The following STXBP5L variants were observed in gnomAD, a reference collection of about 807,000 sequenced individuals.
STXBP5L encodes syntaxin binding protein 5L.
In STXBP5L, 65 loss-of-function variants were observed where a neutral mutation model predicts 144.5. That is an observed-to-expected ratio of 0.45 (90% CI 0.37 to 0.55). The LOEUF (loss-of-function observed/expected upper bound fraction) is 0.55. STXBP5L is among the 20% of genes least tolerant of loss of function. The probability of loss-of-function intolerance (pLI) is 0.00; values close to 1 mark genes in which losing one functional copy is unlikely to be tolerated. For synonymous variants in STXBP5L, 505 were observed against 469.6 expected (o/e 1.08, Z -0.97); for missense variants, 1,298 against 1,405.5 (o/e 0.92, Z 1.22).
At chr3:121,131,451 C>T (rs570816218) in intron 7 of STXBP5L, among the ~76,000 whole-genome samples, 1 of 152,056 alleles carries the variant, frequency 6.6e-6, no homozygotes, top group Admixed American at 6.6e-5. Flanking sequence ...TAGATAATAC[C>T]AATGCTACAT....
intron 24 of STXBP5L, among the ~76,000 whole-genome samples, chr3:121,414,910 G>A (rs930290189): frequency 2.6e-5 from 4 of 152,150 alleles, no homozygotes; most frequent in Admixed American, 2.6e-4. Flanking sequence ...TAGCCATAAA[G>A]TGTAATCAAC....
chr3:121,001,762 A>C (rs1243645927), intron 3 of STXBP5L, among the ~76,000 whole-genome samples: 1 of 152,228 alleles, frequency 6.6e-6, no homozygotes, highest in South Asian at 2.1e-4. Flanking sequence ...CAGATTCTGC[A>C]TTCTCTGTCC....
At chr3:120,985,159 G>T (rs78588233) in intron 3 of STXBP5L, among the ~76,000 whole-genome samples, 2 of 151,826 alleles carry the variant, frequency 1.3e-5, no homozygotes, top group African/African-American at 4.8e-5. Context: ...TGTTGTTAGG[G>T]TACTGTTGGC....
intron 20 of STXBP5L, among the ~76,000 whole-genome samples, chr3:121,371,422 T>C (rs544764522): frequency 2.6e-4 from 39 of 152,324 alleles, no homozygotes; most frequent in African/African-American, 7.9e-4. Context: ...GGTCACAGCA[T>C]TCCAATGGGT....
chr3:121,220,189 C>T (rs1421734415), intron 10 of STXBP5L, among the ~76,000 whole-genome samples: 2 of 152,150 alleles, frequency 1.3e-5, no homozygotes, highest in East Asian at 3.9e-4. Flanking sequence ...TATAGTTTTG[C>T]CTTTTGGAGA....
chr3:121,034,176 A>G (rs1203620734), intron 3 of STXBP5L, among the ~76,000 whole-genome samples: 2 of 152,046 alleles, frequency 1.3e-5, no homozygotes, highest in African/African-American at 4.8e-5. Context: ...GTACAATTGC[A>G]GTTTTGTTGC....
At chr3:121,150,824 A>G (rs1253091834) in intron 7 of STXBP5L, among the ~76,000 whole-genome samples, 2 of 152,134 alleles carry the variant, frequency 1.3e-5, no homozygotes, top group African/African-American at 2.4e-5. Flanking sequence ...ATGGTGACTC[A>G]TGCCTGTAAT....
At chr3:121,102,112 A>G (rs1319272125) in intron 5 of STXBP5L, among the ~76,000 whole-genome samples, 3 of 152,150 alleles carry the variant, frequency 2.0e-5, no homozygotes, top group Non-Finnish European at 4.4e-5. Context: ...TGGAAGAACA[A>G]TATTGTTAAA....
intron 3 of STXBP5L, among the ~76,000 whole-genome samples, chr3:121,003,839 G>A (rs1944006615): frequency 6.6e-6 from 1 of 152,082 alleles, no homozygotes; most frequent in South Asian, 2.1e-4. Context: ...TTTTTGTCAG[G>A]TTTGTCAAAG....
intron 3 of STXBP5L, among the ~76,000 whole-genome samples, chr3:120,995,027 A>T (rs1346312068): frequency 6.6e-6 from 1 of 152,012 alleles, no homozygotes; most frequent in African/African-American, 2.4e-5. Context: ...CCAGGAGTTT[A>T]TCCATTTCCT....
At chr3:121,318,075 T>TTA (rs2043843175) in intron 19 of STXBP5L, among the ~76,000 whole-genome samples, 1 of 152,078 alleles carries the variant, frequency 6.6e-6, no homozygotes, top group South Asian at 2.1e-4. Flanking sequence ...AAAAAGGATT[T>TTA]TATATCTTTG....
intron 9 of STXBP5L, among the ~76,000 whole-genome samples, chr3:121,189,594 A>T (rs1040768964): frequency 3.9e-5 from 6 of 152,088 alleles, no homozygotes; most frequent in Admixed American, 1.3e-4. Context: ...TCTGTTTTGG[A>T]ACCAGTACCA....
At position 121,377,617 on chromosome 3, in the gene STXBP5L, A is replaced by G. The variant is rs185065401; in HGVS notation, c.2177-1099A>G. 8.5e-5 allele frequency among the ~76,000 whole-genome samples: 13 copies of G among 152,340 alleles called. No homozygotes were observed. The East Asian group carries it at 1.5e-3, about 18-fold the overall frequency. On this transcript the variant is annotated intron_variant, in intron 20 of 26. Transcript: ENST00000471454. ...TAGAGAAATGCAAATCAAAACCACA[A>G]TGAGATACCATCTCAGGCCAGTTAG...
chr3:121,005,990 A>T (rs2108085140), intron 3 of STXBP5L, among the ~76,000 whole-genome samples: 1 of 152,234 alleles, frequency 6.6e-6, no homozygotes, highest in Non-Finnish European at 1.5e-5. Flanking sequence ...TCACTTTTGG[A>T]ATAGGTATGG....
At chr3:121,105,271 C>G (rs750420278) in intron 5 of STXBP5L, among the ~76,000 whole-genome samples, 1 of 152,172 alleles carries the variant, frequency 6.6e-6, no homozygotes, top group South Asian at 2.1e-4. Context: ...TGGCGTGCTC[C>G]TGTAGTTCCA....
At chr3:121,392,514 G>C (rs1014401392) in intron 22 of STXBP5L, among the ~76,000 whole-genome samples, 3 of 152,096 alleles carry the variant, frequency 2.0e-5, no homozygotes, top group South Asian at 2.1e-4. Flanking sequence ...GACCAGAGCT[G>C]TTCCTATTCG....
chr3:121,061,201 C>A (rs1285005490), intron 5 of STXBP5L, among the ~76,000 whole-genome samples: 3 of 152,140 alleles, frequency 2.0e-5, no homozygotes, highest in South Asian at 4.1e-4. Flanking sequence ...CAAAAAACAT[C>A]TTTATTTCTG....
At chr3:121,065,771 C>G (rs971717196) in intron 5 of STXBP5L, among the ~76,000 whole-genome samples, 4 of 152,104 alleles carry the variant, frequency 2.6e-5, no homozygotes, top group African/African-American at 9.7e-5. Context: ...TGCAGGGTCT[C>G]ACAAATTAAA....
intron 5 of STXBP5L, among the ~76,000 whole-genome samples, chr3:121,113,833 C>T (rs1359892819): frequency 2.6e-5 from 4 of 151,682 alleles, no homozygotes; most frequent in African/African-American, 4.8e-5. Flanking sequence ...CCACCACGCC[C>T]GGCTAATTTT....
Sources: allele counts gnomAD v4.1 joint callset (sites outside exome capture counted in the v4.1 genomes callset), GRCh38; gene constraint gnomAD v4.1.1; transcripts MANE v1.5; gene names NCBI Gene and HGNC (gene_info 2026-07-23, HGNC 2026-07-21).